The following DSCAM variants were observed in gnomAD, a reference collection of about 807,000 sequenced individuals.
DSCAM encodes the protein DS cell adhesion molecule.
DSCAM carries 47 observed loss-of-function variants against 217.7 expected under a neutral mutation model. That is an observed-to-expected ratio of 0.22 (90% CI 0.17 to 0.28). The LOEUF is 0.28. Among genes scored for constraint, DSCAM ranks in the 10% least tolerant of loss-of-function variants. The pLI, the probability that DSCAM is intolerant of heterozygous loss-of-function variation, is 1.00. For missense variants in DSCAM, 2,080 were observed against 2,618.3 expected, an observed-to-expected ratio of 0.79 and a Z score of 4.49; for synonymous variants, 1,056 against 1,015.3, an observed-to-expected ratio of 1.04 and a Z score of -0.76.
intron 5 of DSCAM, among the ~76,000 whole-genome samples, 164 bp from the exon 6 acceptor site, chr21:40,348,109 G>C: frequency 6.6e-6 from 1 of 151,096 alleles, no homozygotes; most frequent in Non-Finnish European, 1.5e-5. Flanking sequence ...GTTCCCATCA[G>C]CCACATTATT....
chr21:40,299,973 G>GTTTCA (rs2073996459), intron 9 of DSCAM, among the ~76,000 whole-genome samples: 1 of 152,096 alleles, frequency 6.6e-6, no homozygotes, highest in Non-Finnish European at 1.5e-5. Context: ...TACTCAGTGG[G>GTTTCA]TTTCACGTAC....
chr21:40,054,927 G>A (rs916826147), intron 29 of DSCAM, among the ~76,000 whole-genome samples: 13 of 152,200 alleles, frequency 8.5e-5, no homozygotes, highest in African/African-American at 1.7e-4. Flanking sequence ...TAATGCACAC[G>A]AAGTGCTTAT....
chr21:40,553,674 G>A (rs572436882), intron 3 of DSCAM, among the ~76,000 whole-genome samples: 159 of 152,200 alleles, frequency 1.0e-3, no homozygotes, highest in African/African-American at 3.6e-3. Context: ...TCATTCCCAA[G>A]ATAACACATC....
chr21:40,383,019 T>C (rs1349325214), intron 3 of DSCAM: 1 of 152,124 alleles, frequency 6.6e-6, no homozygotes, highest in African/African-American at 2.4e-5. Flanking sequence ...TAAGCGCTGA[T>C]GTAAAGAGAG....
chr21:40,798,212 G>A (rs925966564), intron 1 of DSCAM, among the ~76,000 whole-genome samples: 14 of 151,832 alleles, frequency 9.2e-5, no homozygotes, highest in East Asian at 3.9e-4. Context: ...GCTCCACCAC[G>A]AAGAAGGAAA....
intron 3 of DSCAM, among the ~76,000 whole-genome samples, chr21:40,469,785 C>T (rs991379163): frequency 2.0e-5 from 3 of 151,952 alleles, no homozygotes; most frequent in East Asian, 1.9e-4. Flanking sequence ...GGGAGGAAAA[C>T]GGGGAATGCA....
chr21:40,025,854 T>C (rs1048282919), intron 32 of DSCAM, among the ~76,000 whole-genome samples: 1 of 150,768 alleles, frequency 6.6e-6, no homozygotes, highest in African/African-American at 2.5e-5. Context: ...TGAAGGGTTT[T>C]TTGTGTCTCT....
At chr21:40,242,250 A>T (rs1275251736) in intron 11 of DSCAM, among the ~76,000 whole-genome samples, 1 of 152,068 alleles carries the variant, frequency 6.6e-6, no homozygotes, top group Non-Finnish European at 1.5e-5. Context: ...TCAAGTAAAT[A>T]AAGTAATGTT....
chr21:40,635,816 T>C (rs1001146019), intron 3 of DSCAM, among the ~76,000 whole-genome samples: 2 of 152,218 alleles, frequency 1.3e-5, no homozygotes, highest in African/African-American at 4.8e-5. Flanking sequence ...ATAAAAATTT[T>C]GTAATCGCTC....
At chr21:40,274,938 C>T (rs1269203445) in intron 11 of DSCAM, among the ~76,000 whole-genome samples, 1 of 152,056 alleles carries the variant, frequency 6.6e-6, no homozygotes, top group Non-Finnish European at 1.5e-5. Flanking sequence ...TACACACACC[C>T]CTGAATGCCA....
chr21:40,796,795 T>C (rs1280993739), intron 1 of DSCAM, among the ~76,000 whole-genome samples: 6 of 152,204 alleles, frequency 3.9e-5, no homozygotes, highest in Non-Finnish European at 8.8e-5. Context: ...CACATGGTCA[T>C]GGACGCATAT....
chr21:40,354,846 C>T (rs1435020647), intron 4 of DSCAM, among the ~76,000 whole-genome samples: 21 of 65,696 alleles, frequency 3.2e-4, no homozygotes, highest in African/African-American at 1.6e-3. Flanking sequence ...GAAACTCTGT[C>T]TCAAAAAAAA....
rs577903797 is a variant in DSCAM, at chr21:40,556,332, C to T, written c.508+136478G>A. 8.0e-4 allele frequency among the ~76,000 whole-genome samples: 121 copies of T among 152,080 alleles called. 1 individual carries two copies. Among genetic ancestry groups the T allele is most frequent in the African/African-American group, 2.6e-3 (109 of 41,486 alleles). On this transcript the variant is annotated intron_variant, in intron 3 of 32. Transcript: ENST00000400454. ...AAGCCTTACTGATAACAAAAACAGGCAATTAACACATATTTTGTATGTTAT... is the reference window on the plus strand; with the variant it reads ...AAGCCTTACTGATAACAAAAACAGGTAATTAACACATATTTTGTATGTTAT...
intron 3 of DSCAM, among the ~76,000 whole-genome samples, chr21:40,568,986 C>G (rs1473489980): frequency 6.6e-6 from 1 of 152,206 alleles, no homozygotes; most frequent in Non-Finnish European, 1.5e-5. Flanking sequence ...ACTCCAGTAA[C>G]AGCTGATGCC....
chr21:40,536,165 T>C (rs1002535032), intron 3 of DSCAM, among the ~76,000 whole-genome samples: 8 of 152,190 alleles, frequency 5.3e-5, no homozygotes, highest in African/African-American at 1.9e-4. Context: ...TGTTCGATTT[T>C]ATGGTTGGAG....
At chr21:40,033,514 G>A (rs2088571669) in intron 32 of DSCAM, among the ~76,000 whole-genome samples, 1 of 151,742 alleles carries the variant, frequency 6.6e-6, no homozygotes, top group South Asian at 2.1e-4. Context: ...CACCTGGCTT[G>A]GAGGGTCCCA....
At chr21:40,532,957 G>T (rs1013020080) in intron 3 of DSCAM, among the ~76,000 whole-genome samples, 30 of 151,518 alleles carry the variant, frequency 2.0e-4, no homozygotes, top group African/African-American at 7.0e-4. Context: ...CATTTCACAG[G>T]GCCCCAGGGA....
rs888060643 is a variant in DSCAM, at chr21:40,144,238, T to C, written c.3259+253A>G. On this transcript the variant is annotated intron_variant, in intron 17 of 32. Coordinates refer to ENST00000400454, the MANE Select transcript of DSCAM (RefSeq NM_001389.5). This position sits in a 1 kb window ranked among gnomAD's most constrained non-coding sequence, Gnocchi z 4.8. ...TCACTCCAGAAAAGCCCAATTCTTGTACCTGAAATGAATGAGGAAGAGTCT... is the reference window on the plus strand; with the variant it reads ...TCACTCCAGAAAAGCCCAATTCTTGCACCTGAAATGAATGAGGAAGAGTCT... Among the ~76,000 whole-genome samples the C allele has an allele frequency of 2.6e-5, 4 of 152,220 alleles. No homozygotes were observed. The highest frequency in any genetic ancestry group is 7.2e-5 in the African/African-American group (3 of 41,464).
chr21:40,491,025 C>T (rs904344679), intron 3 of DSCAM, among the ~76,000 whole-genome samples: 1 of 152,168 alleles, frequency 6.6e-6, no homozygotes, highest in Non-Finnish European at 1.5e-5. Context: ...ACTTCACCAG[C>T]TTATAAAATC....
Sources: gnomAD v4.1 joint callset for allele counts (sites outside exome capture counted in the v4.1 genomes callset) on GRCh38, gnomAD v4.1.1 for gene constraint, Gnocchi (gnomAD v3.1) non-coding constraint, MANE v1.5 for transcripts, NCBI Gene and HGNC (gene_info 2026-07-23, HGNC 2026-07-21) for gene names.